NR2F1-AS1: variants seen among roughly 807,000 people sequenced by gnomAD.
The protein encoded by NR2F1-AS1 is NR2F1 regulatory antisense RNA 1, also known as NR2F1 antisense RNA 1.
intron 4 of NR2F1-AS1, among the ~76,000 whole-genome samples, chr5:93,455,282 G>A (rs762093688): frequency 6.6e-6 from 1 of 152,050 alleles, no homozygotes; most frequent in Non-Finnish European, 1.5e-5. Flanking sequence ...TAAAATGTAC[G>A]ACACTAGCAA....
intron 4 of NR2F1-AS1, among the ~76,000 whole-genome samples, chr5:93,493,562 A>G (rs1191715560): frequency 6.6e-6 from 1 of 152,146 alleles, no homozygotes; most frequent in African/African-American, 2.4e-5. Context: ...AAAGTAACAT[A>G]TGGTTGGAAG....
chr5:93,501,956 C>T (rs574341243), intron 4 of NR2F1-AS1, among the ~76,000 whole-genome samples: 28 of 152,290 alleles, frequency 1.8e-4, no homozygotes, highest in Middle Eastern at 6.8e-3. Flanking sequence ...CTTCAGCAAC[C>T]ACAACCTTGA....
intron 4 of NR2F1-AS1, among the ~76,000 whole-genome samples, chr5:93,459,489 T>C (rs1038013716): frequency 4.6e-5 from 7 of 152,200 alleles, no homozygotes; most frequent in Non-Finnish European, 8.8e-5. Flanking sequence ...ATGTGGCATA[T>C]ACAACCATTA....
intron 4 of NR2F1-AS1, among the ~76,000 whole-genome samples, chr5:93,512,952 G>A (rs1005762132): frequency 3.9e-5 from 6 of 152,122 alleles, no homozygotes; most frequent in Non-Finnish European, 7.3e-5. Context: ...CCATCTTTGA[G>A]CAACACATGA....
At chr5:93,538,975 C>T (rs1447247925) in intron 4 of NR2F1-AS1, among the ~76,000 whole-genome samples, 1 of 152,100 alleles carries the variant, frequency 6.6e-6, no homozygotes, top group Admixed American at 6.6e-5. Context: ...GAAAGCAAAT[C>T]AGTATATCAA....
At chr5:93,496,259 G>A (rs758914151) in intron 4 of NR2F1-AS1, among the ~76,000 whole-genome samples, 13 of 152,120 alleles carry the variant, frequency 8.5e-5, no homozygotes, top group Non-Finnish European at 1.2e-4. Context: ...AGCTGCTTAC[G>A]TCTTGCTTTG....
chr5:93,512,576 G>A (rs1171817075), intron 4 of NR2F1-AS1, among the ~76,000 whole-genome samples: 9 of 152,118 alleles, frequency 5.9e-5, no homozygotes, highest in South Asian at 4.1e-4. Flanking sequence ...AGTAATGTCC[G>A]AAGTTTTCAT....
intron 4 of NR2F1-AS1, among the ~76,000 whole-genome samples, chr5:93,441,924 T>G (rs1298437675): frequency 6.6e-6 from 1 of 152,234 alleles, no homozygotes. Flanking sequence ...AAAGTTTCAT[T>G]GGAATACAGC....
chr5:93,422,130 C>T (rs1353222976), intron 4 of NR2F1-AS1: 2 of 152,220 alleles, frequency 1.3e-5, no homozygotes, highest in South Asian at 2.1e-4. Flanking sequence ...GGCACTCTCC[C>T]GGAGCCCAGC....
chr5:93,412,071 G>A (rs1294749199), intron 4 of NR2F1-AS1, among the ~76,000 whole-genome samples: 1 of 152,184 alleles, frequency 6.6e-6, no homozygotes, highest in Non-Finnish European at 1.5e-5. Context: ...GCCCCCATGA[G>A]GGCAGCATGG....
Position 93,427,809 on chromosome 5 carries a change from AAT to A in NR2F1-AS1, n.639-32269_639-32268del, listed in dbSNP as rs1749226678. On this transcript the variant is annotated intron_variant and non_coding_transcript_variant, in intron 4 of 5. Coordinates refer to ENST00000660523, the Ensembl canonical transcript of NR2F1-AS1. ...ATGTACACGTATGTTTTTAAATTAA[AAT>A]AGTTTCTGATGGCAAAATTCTAGGT... is the stretch of plus-strand genomic sequence containing the variant. 2.0e-5 allele frequency among the ~76,000 whole-genome samples: 3 copies of A among 152,238 alleles called. No individual in the cohort carries two copies. The South Asian group carries it at 6.2e-4, about 32-fold the overall frequency.
chr5:93,451,039 C>T lies in NR2F1-AS1; in HGVS notation n.639-55497G>A, dbSNP rs566255360. 1.8e-4 allele frequency among the ~76,000 whole-genome samples: 26 copies of T among 147,648 alleles called. No individual in the cohort carries two copies. The East Asian group carries it at 5.2e-3, about 29-fold the overall frequency. ...GTAGGTCATTAATATTCTGTAAAAA[C>T]AATAATCTGATCAATATGATCTCAA... On this transcript the variant is annotated intron_variant and non_coding_transcript_variant, in intron 4 of 5. Coordinates refer to ENST00000660523, the Ensembl canonical transcript of NR2F1-AS1.
In NR2F1-AS1 at chr5:93,479,957, A is replaced by G. The variant is rs1750565789; in HGVS notation, n.638+73804T>C. The stretch of plus-strand genomic sequence containing the variant: ...AAAGAAATGTTTATCAAACTTGAAG[A>G]CAGAACAATTATACTTACCCAGTCT... On this transcript the variant is annotated intron_variant and non_coding_transcript_variant, in intron 4 of 5. Transcript: ENST00000660523. Among the ~76,000 whole-genome samples, 5 of 152,170 alleles carry G rather than the reference A, an allele frequency of 3.3e-5. No homozygotes were observed. In the South Asian group the frequency reaches 1.0e-3, roughly 32 times the overall value.
At chr5:93,578,331 G>T (rs1409207418) in intron 1 of NR2F1-AS1, among the ~76,000 whole-genome samples, 1 of 152,174 alleles carries the variant, frequency 6.6e-6, no homozygotes, top group Admixed American at 6.5e-5. Flanking sequence ...CTAGCAGCCC[G>T]CAAGGGGTAC....
upstream of NR2F1-AS1, among the ~76,000 whole-genome samples, chr5:93,582,005 CT>C (rs1753103568): frequency 1.2e-5 from 1 of 80,186 alleles, no homozygotes; most frequent in Admixed American, 1.1e-4. Flanking sequence ...CTCCTCTCTT[CT>C]CTCTCTCTCT....
intron 4 of NR2F1-AS1, among the ~76,000 whole-genome samples, chr5:93,488,474 C>G (rs1257439243): frequency 6.6e-6 from 1 of 152,178 alleles, no homozygotes; most frequent in Non-Finnish European, 1.5e-5. Flanking sequence ...TTATATGCAG[C>G]CAACAAACAT....
chr5:93,538,507 A>G (rs1751885262), intron 4 of NR2F1-AS1, among the ~76,000 whole-genome samples: 1 of 152,160 alleles, frequency 6.6e-6, no homozygotes, highest in Admixed American at 6.5e-5. Flanking sequence ...AATATTCACA[A>G]AATATACAAT....
chr5:93,543,265 G>A (rs1751996248), intron 4 of NR2F1-AS1: 2 of 152,070 alleles, frequency 1.3e-5, no homozygotes, highest in African/African-American at 4.8e-5. Flanking sequence ...CATAATTACA[G>A]GACAACTGAA....
chr5:93,569,231 G>A (rs1752687184), intron 1 of NR2F1-AS1, among the ~76,000 whole-genome samples: 2 of 152,132 alleles, frequency 1.3e-5, no homozygotes, highest in Non-Finnish European at 2.9e-5. Context: ...GAAGACAGAA[G>A]AGAAGGGAGA....
Sources: gnomAD v4.1 joint callset for allele counts (sites outside exome capture counted in the v4.1 genomes callset) on GRCh38, gnomAD v4.1.1 for gene constraint, MANE v1.5 for transcripts, NCBI Gene and HGNC (gene_info 2026-07-23, HGNC 2026-07-21) for gene names.